The following FTCD variants were observed in gnomAD, a reference collection of about 807,000 sequenced individuals.
FTCD encodes formimidoyltransferase cyclodeaminase, also known as formimidoyltransferase-cyclodeaminase.
In FTCD, 76 loss-of-function variants were observed where a neutral mutation model predicts 62.9. The ratio of observed to expected loss-of-function variants is 1.21; its 90% CI spans 1.00 to 1.46. The LOEUF is 1.46. Among genes scored for constraint, FTCD ranks in the 40% most tolerant of loss-of-function variants. The pLI is 0.00. For synonymous variants in FTCD, 397 were observed against 336.9 expected (o/e 1.18, Z -1.95); for missense variants, 845 against 751.3 (o/e 1.12, Z -1.46).
At chr21:46,142,179 G>A (rs969138595) in intron 10 of FTCD, 2 of 152,308 alleles carry the variant, frequency 1.3e-5, no homozygotes, top group African/African-American at 2.4e-5. Context: ...GTCCGGAATT[G>A]GTTCCTTCTG....
chr21:46,141,866 G>A (rs761951505), intron 10 of FTCD, among the ~76,000 whole-genome samples: 143 of 152,370 alleles, frequency 9.4e-4, no homozygotes, highest in Non-Finnish European at 1.8e-3. Flanking sequence ...GTAATGAGAA[G>A]CGCATCCCAG....
Position 46,138,912 on chromosome 21 carries a change from C to A in FTCD, c.1272G>T (p.Arg424Ser). ...EAFTAYLEAMRLPKNTPEEKD... is the reference protein window; with the variant it reads ...EAFTAYLEAMSLPKNTPEEKD... ...TTTCCTCAGGTGTGTTCTTGGGGAG[C>A]CTCATTGCTTCCTGCCATAAAGAGA... is the stretch of plus-strand genomic sequence containing the variant. The change falls in exon 11 of 14, where the codon AGG becomes AGT. Residue 424 changes from arginine to serine, a missense_variant. Physicochemically the swap from Arg to Ser is moderately radical, Grantham distance 110. Coordinates refer to ENST00000397746, the MANE Select transcript of FTCD (RefSeq NM_206965.2). The A allele has an allele frequency of 6.2e-7, 1 of 1,612,936 alleles. No homozygotes were observed. The highest frequency in any genetic ancestry group is 1.1e-5 in the South Asian group (1 of 91,060).
chr21:46,152,155 C>G, intron 3 of FTCD, 175 bp from the exon 4 acceptor site: 1 of 584,376 alleles, frequency 1.7e-6, no homozygotes, highest in Non-Finnish European at 3.0e-6. Flanking sequence ...TCCCAGTGGA[C>G]CCTCAGTGTG....
chr21:46,154,683 C>T (rs2079388963), intron 1 of FTCD, among the ~76,000 whole-genome samples: 2 of 152,224 alleles, frequency 1.3e-5, no homozygotes, highest in African/African-American at 4.8e-5. Flanking sequence ...GCCGGGACCC[C>T]CACCCCCGAG....
At chr21:46,141,079 T>C (rs1394174948) in intron 10 of FTCD, among the ~76,000 whole-genome samples, 1 of 152,228 alleles carries the variant, frequency 6.6e-6, no homozygotes, top group African/African-American at 2.4e-5. Flanking sequence ...TTCCTACTTG[T>C]TTTTTAATTA....
At chr21:46,138,720 G>A (rs2078927999) in intron 11 of FTCD, 74 bp from the exon 12 acceptor site, 8 of 1,522,910 alleles carry the variant, frequency 5.3e-6, no homozygotes, top group Admixed American at 1.7e-5. Context: ...CACCCCAACA[G>A]GGCTGAGCAG....
intron 10 of FTCD, 44 bp from the exon 11 acceptor site, chr21:46,138,967 G>A (rs1262773873): frequency 1.4e-6 from 2 of 1,476,256 alleles, no homozygotes; most frequent in Non-Finnish European, 1.9e-6. Flanking sequence ...ACCGTAGGGG[G>A]AGCAGCCATG....
chr21:46,146,523 G>T, intron 7 of FTCD, 196 bp from the exon 8 acceptor site: 1 of 607,604 alleles, frequency 1.6e-6, no homozygotes. Flanking sequence ...CCCCGCCCCA[G>T]CAGGCACCCC....
intron 2 of FTCD, among the ~76,000 whole-genome samples, chr21:46,153,434 G>A (rs577602709): frequency 2.2e-4 from 33 of 152,312 alleles, no homozygotes; most frequent in Admixed American, 1.1e-3. Flanking sequence ...GGGGGCGCTC[G>A]AGGCTGGGTT....
chr21:46,153,442 G>C (rs1177043777), intron 2 of FTCD, among the ~76,000 whole-genome samples: 1 of 152,150 alleles, frequency 6.6e-6, no homozygotes, highest in Non-Finnish European at 1.5e-5. Context: ...TCGAGGCTGG[G>C]TTCCGGCCAC....
At chr21:46,141,432 C>T (rs2079003321) in intron 10 of FTCD, among the ~76,000 whole-genome samples, 1 of 152,030 alleles carries the variant, frequency 6.6e-6, no homozygotes, top group Non-Finnish European at 1.5e-5. Flanking sequence ...CAGGTGTGAG[C>T]TATCATGCCT....
intron 6 of FTCD, 51 bp downstream of exon 6, chr21:46,150,337 G>A (rs373199308): frequency 1.5e-4 from 244 of 1,611,820 alleles, no homozygotes; most frequent in Admixed American, 5.0e-4. Context: ...CCCTGCCCAC[G>A]GGACAGATCG....
chr21:46,153,711 T>C (rs1371312814), intron 2 of FTCD, among the ~76,000 whole-genome samples: 2 of 152,220 alleles, frequency 1.3e-5, no homozygotes, highest in African/African-American at 4.8e-5. Flanking sequence ...CCAGCGCCCG[T>C]GTGTCCACAC....
At chr21:46,141,527 T>C (rs761827084) in intron 10 of FTCD, among the ~76,000 whole-genome samples, 4 of 152,104 alleles carry the variant, frequency 2.6e-5, no homozygotes, top group African/African-American at 9.7e-5. Context: ...CATTAAAGTA[T>C]AGAAAAGATC....
At chr21:46,142,712 T>C (rs2079048764) in intron 10 of FTCD, 1 of 152,394 alleles carries the variant, frequency 6.6e-6, no homozygotes, top group East Asian at 1.9e-4. Flanking sequence ...GGTTGGCGCT[T>C]GCTGGTTTCG....
chr21:46,139,286 C>T (rs550411992), intron 10 of FTCD, among the ~76,000 whole-genome samples: 38 of 152,264 alleles, frequency 2.5e-4, no homozygotes, highest in Admixed American at 2.0e-3. Flanking sequence ...GCAGCTGCAC[C>T]GCCCCCAAGC....
chr21:46,146,119 C>T (rs954438078), intron 8 of FTCD, 147 bp downstream of exon 8: 2 of 746,554 alleles, frequency 2.7e-6, no homozygotes, highest in African/African-American at 3.5e-5. Context: ...GCCCCCAGAC[C>T]CCGGCTTGGC....
chr21:46,152,790 G>A, intron 3 of FTCD, 117 bp downstream of exon 3: 2 of 870,092 alleles, frequency 2.3e-6, no homozygotes, highest in Non-Finnish European at 3.4e-6. Flanking sequence ...TGGCTTTTTG[G>A]AACACTCTGC....
In FTCD at chr21:46,146,298, C is replaced by T; in HGVS notation, c.936G>A (p.Leu312=). Residue 312 remains leucine (L), a synonymous_variant, in exon 8 of 14, where the codon CTG becomes CTA. Coordinates refer to ENST00000397746, the MANE Select transcript of FTCD (RefSeq NM_206965.2). ...LVVSRLGLDS[L]CPFSPKERII... ...TCCGCTCCTTAGGGCTGAAGGGGCA[C>T]AGGGAGTCCAGGCCCAGCCGGCTCA... 1.2e-6 allele frequency: 2 copies of T among 1,605,334 alleles called. No individual in the cohort carries two copies. The highest frequency in any genetic ancestry group is 1.7e-6 in the Non-Finnish European group (2 of 1,176,142).
Sources: gnomAD v4.1 joint callset for allele counts (sites outside exome capture counted in the v4.1 genomes callset) on GRCh38, gnomAD v4.1.1 for gene constraint, MANE v1.5 for transcripts, NCBI Gene and HGNC (gene_info 2026-07-23, HGNC 2026-07-21) for gene names.